Variants in SLC23A2 observed in about 807,000 individuals in gnomAD.
SLC23A2 encodes the protein solute carrier family 23 member 2.
SLC23A2 carries 36 observed loss-of-function variants against 73.3 expected under a neutral mutation model. That is an observed-to-expected ratio of 0.49 (90% CI 0.38 to 0.65). The LOEUF is 0.65. Ranked by LOEUF, SLC23A2 falls within the 30% of genes least tolerant of loss-of-function variation. SLC23A2 has a pLI of 0.00. For synonymous variants in SLC23A2, 343 were observed against 327.3 expected, an observed-to-expected ratio of 1.05 and a Z score of -0.52; for missense variants, 507 against 841.6, an observed-to-expected ratio of 0.60 and a Z score of 4.92.
chr20:4,951,492 G>C (rs940532128), intron 2 of SLC23A2, among the ~76,000 whole-genome samples: 16 of 152,260 alleles, frequency 1.1e-4, no homozygotes, highest in African/African-American at 3.8e-4. Context: ...TGACTCATCA[G>C]TGCCTCTCAA....
At chr20:4,953,211 C>T (rs975619945) in intron 2 of SLC23A2, among the ~76,000 whole-genome samples, 1 of 152,014 alleles carries the variant, frequency 6.6e-6, no homozygotes, top group African/African-American at 2.4e-5. Context: ...GAGGCTGAGG[C>T]AGTACAATCA....
chr20:4,861,869 C>T lies in SLC23A2; in HGVS notation c.1624+79G>A, dbSNP rs549143047. On this transcript the variant is annotated intron_variant, in intron 15 of 16. Coordinates refer to ENST00000338244, the MANE Select transcript of SLC23A2 (RefSeq NM_005116.6). ...AGCTCCTGGAGGCCCAAAGTCCTCT[C>T]CAATGGGCAAAGAGCTGCGTGTGGA... is the stretch of plus-strand genomic sequence containing the variant. 159 of 1,491,480 alleles carry T rather than the reference C, an allele frequency of 1.1e-4. No individual in the cohort carries two copies. The African/African-American group carries it at 2.0e-3, about 19-fold the overall frequency. 92.4% of individuals were successfully genotyped at this position (1,491,480 alleles called of 1,614,324 possible).
intron 2 of SLC23A2, among the ~76,000 whole-genome samples, chr20:4,953,468 G>A (rs1233546757): frequency 1.3e-5 from 2 of 152,034 alleles, no homozygotes; most frequent in East Asian, 3.9e-4. Flanking sequence ...GACAATTAGA[G>A]AAACGAGGTT....
intron 2 of SLC23A2, among the ~76,000 whole-genome samples, chr20:4,951,127 G>A (rs1411106251): frequency 2.0e-5 from 3 of 152,158 alleles, no homozygotes; most frequent in African/African-American, 4.8e-5. Context: ...TCTAACATCA[G>A]AGAAGATTTG....
chr20:4,933,797 C>T (rs1335318100), intron 2 of SLC23A2, among the ~76,000 whole-genome samples: 1 of 152,154 alleles, frequency 6.6e-6, no homozygotes, highest in African/African-American at 2.4e-5. Context: ...ATTAGGGTGA[C>T]ATCAGATCTT....
intron 1 of SLC23A2, 60 bp from the exon 2 acceptor site, chr20:4,970,979 A>G (rs2087551394): frequency 6.6e-6 from 1 of 152,192 alleles, no homozygotes; most frequent in Non-Finnish European, 1.5e-5. Flanking sequence ...GGTACTCTGC[A>G]TGAATGGAGT....
chr20:5,007,068 G>T (rs992726770), intron 1 of SLC23A2, among the ~76,000 whole-genome samples: 1 of 151,778 alleles, frequency 6.6e-6, no homozygotes, highest in East Asian at 1.9e-4. Context: ...AACATCCATC[G>T]ATCAGGGAAT....
intron 1 of SLC23A2, among the ~76,000 whole-genome samples, chr20:4,985,111 T>C (rs1235551782): frequency 7.2e-6 from 1 of 138,788 alleles, no homozygotes; most frequent in Non-Finnish European, 1.5e-5. Context: ...CACTCCAGCC[T>C]GGTGACAGAG....
At chr20:4,913,608 T>TTTGTTG (rs72552235) in intron 3 of SLC23A2, among the ~76,000 whole-genome samples, 3 of 151,968 alleles carry the variant, frequency 2.0e-5, no homozygotes, top group Middle Eastern at 3.4e-3. Flanking sequence ...TTTTTTAGGT[T>TTTGTTG]TTGTTGTTGT....
intron 6 of SLC23A2, among the ~76,000 whole-genome samples, chr20:4,896,198 T>C (rs961758836): frequency 6.6e-6 from 1 of 152,010 alleles, no homozygotes; most frequent in Non-Finnish European, 1.5e-5. Flanking sequence ...ACCAGCGGCC[T>C]CTCTCGTTGC....
intron 3 of SLC23A2, among the ~76,000 whole-genome samples, chr20:4,913,442 G>A (rs1448758356): frequency 2.0e-5 from 3 of 152,104 alleles, no homozygotes; most frequent in Non-Finnish European, 4.4e-5. Flanking sequence ...ATCGTCCCGG[G>A]TTCTGCCAGC....
chr20:4,914,400 T>A (rs540992940), intron 3 of SLC23A2, among the ~76,000 whole-genome samples: 97 of 151,856 alleles, frequency 6.4e-4, no homozygotes, highest in Middle Eastern at 3.4e-3. Context: ...AATTTTATTT[T>A]AAAAAAAACA....
At chr20:4,900,285 A>C (rs1191373093) in intron 5 of SLC23A2, among the ~76,000 whole-genome samples, 2 of 152,228 alleles carry the variant, frequency 1.3e-5, no homozygotes, top group Non-Finnish European at 1.5e-5. Context: ...CACTGGTGAT[A>C]TTTTACTTAT....
intron 1 of SLC23A2, among the ~76,000 whole-genome samples, chr20:4,990,983 A>C (rs1409135687): frequency 6.6e-6 from 1 of 151,746 alleles, no homozygotes; most frequent in East Asian, 1.9e-4. Flanking sequence ...AAAAAAAAAA[A>C]AAAAAAAACA....
rs185432135 is a variant in SLC23A2 at position 4,981,794 on chromosome 20, C to T, written c.-281-10875G>A. Among the ~76,000 whole-genome samples the T allele has an allele frequency of 9.9e-5, 15 of 151,672 alleles. No individual in the cohort carries two copies. The East Asian group carries it at 2.9e-3, about 30-fold the overall frequency. ...TCGGCTCACCACAACCTCCACCCCC[C>T]AGGTTCAAGCGATTCTCCTGCCTCA... On this transcript the variant is annotated intron_variant, in intron 1 of 16. Coordinates refer to ENST00000338244, the MANE Select transcript of SLC23A2 (RefSeq NM_005116.6).
chr20:4,903,266 C>T (rs1931819080), intron 4 of SLC23A2, among the ~76,000 whole-genome samples: 1 of 151,958 alleles, frequency 6.6e-6, no homozygotes. Flanking sequence ...ATCATAAAGA[C>T]CAGTCACTTT....
chr20:4,989,033 G>C (rs1489608194), intron 1 of SLC23A2, among the ~76,000 whole-genome samples: 1 of 151,910 alleles, frequency 6.6e-6, no homozygotes, highest in Non-Finnish European at 1.5e-5. Context: ...TCAGGAGGGA[G>C]TTCGAGACCA....
Position 4,857,448 on chromosome 20 carries a change from T to A in SLC23A2, c.1721-244A>T, listed in dbSNP as rs1929772095. On this transcript the variant is annotated intron_variant, in intron 16 of 16. Transcript: ENST00000338244. The surrounding 1 kb of genome is among the most constrained non-coding windows in gnomAD (Gnocchi z 4.0). ...AGTCTAAGAAGCACTAACCCCTCCA[T>A]GTCCTCATTCAAGCAATCACCTAAT... is the stretch of plus-strand genomic sequence containing the variant. 6.6e-6 allele frequency among the ~76,000 whole-genome samples: 1 copy of A among 152,172 alleles called. No homozygotes were observed. Among genetic ancestry groups the A allele is most frequent in the Non-Finnish European group, 1.5e-5 (1 of 68,036 alleles).
chr20:4,987,996 T>TAA (rs201715841), intron 1 of SLC23A2, among the ~76,000 whole-genome samples: 11 of 139,426 alleles, frequency 7.9e-5, no homozygotes, highest in African/African-American at 1.1e-4. Flanking sequence ...CACGATGCAT[T>TAA]AAAAAAAAAA....
Sources: gnomAD v4.1 joint callset for allele counts (sites outside exome capture counted in the v4.1 genomes callset) on GRCh38, gnomAD v4.1.1 for gene constraint, Gnocchi (gnomAD v3.1) non-coding constraint, MANE v1.5 for transcripts, NCBI Gene and HGNC (gene_info 2026-07-23, HGNC 2026-07-21) for gene names.